LYPLAL1: variants seen among roughly 807,000 people sequenced by gnomAD.
LYPLAL1 encodes lysophospholipase-like protein 1.
In LYPLAL1, 23 loss-of-function variants were observed where a neutral mutation model predicts 19.7. That is an observed-to-expected ratio of 1.17 (90% CI 0.84 to 1.65). The LOEUF (loss-of-function observed/expected upper bound fraction) is 1.65. Ranked by LOEUF, LYPLAL1 falls within the 40% of genes most tolerant of loss-of-function variation. The pLI, the probability that LYPLAL1 is intolerant of heterozygous loss-of-function variation, is 0.00. For synonymous variants in LYPLAL1, 119 were observed against 96.3 expected (o/e 1.24, Z -1.38); for missense variants, 355 against 279.4 (o/e 1.27, Z -1.93).
chr1:219,207,947 C>G (rs1400522784), intron 3 of LYPLAL1, among the ~76,000 whole-genome samples: 1 of 152,008 alleles, frequency 6.6e-6, no homozygotes, highest in African/African-American at 2.4e-5. Context: ...GTCTGTAAGT[C>G]TCTTTTTTTA....
At chr1:219,304,622 A>G in the LYPLAL1 span, among the ~76,000 whole-genome samples, 1 of 152,224 alleles carries the variant, frequency 6.6e-6, no homozygotes, top group Non-Finnish European at 1.5e-5. Context: ...ACTGGGAAAC[A>G]AGAGTCCAAA....
chr1:219,322,810 A>T, the LYPLAL1 span, among the ~76,000 whole-genome samples: 11 of 152,354 alleles, frequency 7.2e-5, no homozygotes, highest in African/African-American at 2.6e-4. Flanking sequence ...TGTTCAAAGT[A>T]AAAATTGAAT....
At chr1:219,247,848 T>C in the LYPLAL1 span, among the ~76,000 whole-genome samples, 1 of 152,136 alleles carries the variant, frequency 6.6e-6, no homozygotes, top group South Asian at 2.1e-4. Flanking sequence ...TGGTGCTTAG[T>C]TGATTTTTAG....
the LYPLAL1 span, among the ~76,000 whole-genome samples, chr1:219,302,684 C>A: frequency 5.9e-5 from 9 of 152,132 alleles, no homozygotes; most frequent in Non-Finnish European, 1.0e-4. Context: ...TGGGGCACAC[C>A]TTAGGTTCTC....
chr1:219,359,379 A>G, the LYPLAL1 span, among the ~76,000 whole-genome samples: 1 of 152,210 alleles, frequency 6.6e-6, no homozygotes, highest in Non-Finnish European at 1.5e-5. Flanking sequence ...GTGTTACATC[A>G]GCCTCATTAT....
At chr1:219,257,375 G>T in the LYPLAL1 span, among the ~76,000 whole-genome samples, 475 of 108,948 alleles carry the variant, frequency 4.4e-3, no homozygotes, top group African/African-American at 5.0e-3. Context: ...TTTTTTTTTT[G>T]GTTACTGTTT....
the LYPLAL1 span, among the ~76,000 whole-genome samples, chr1:219,444,679 C>A: frequency 6.6e-6 from 1 of 152,154 alleles, no homozygotes; most frequent in South Asian, 2.1e-4. Context: ...ATAAATATCT[C>A]CTTTAAATCC....
At chr1:219,199,272 AT>A (rs1194176837) in intron 3 of LYPLAL1, among the ~76,000 whole-genome samples, 15 of 152,204 alleles carry the variant, frequency 9.9e-5, no homozygotes, top group Admixed American at 9.8e-4. Context: ...GTGAAATGAG[AT>A]CCTGTACAGA....
chr1:219,421,657 T>A, the LYPLAL1 span, among the ~76,000 whole-genome samples: 2 of 152,002 alleles, frequency 1.3e-5, no homozygotes, highest in African/African-American at 4.8e-5. Flanking sequence ...GATTCTATTA[T>A]CCTACAAGAT....
intron 1 of LYPLAL1, among the ~76,000 whole-genome samples, chr1:219,178,374 A>G (rs1350059788): frequency 6.6e-6 from 1 of 152,104 alleles, no homozygotes; most frequent in East Asian, 1.9e-4. Context: ...CCCCACCATC[A>G]TTGCCTCTCT....
At chr1:219,201,673 C>G (rs964256140) in intron 3 of LYPLAL1, among the ~76,000 whole-genome samples, 1 of 151,972 alleles carries the variant, frequency 6.6e-6, no homozygotes, top group Non-Finnish European at 1.5e-5. Flanking sequence ...CATTGAGATA[C>G]AGAAAGAGAC....
At chr1:219,299,429 G>A in the LYPLAL1 span, among the ~76,000 whole-genome samples, 1 of 152,172 alleles carries the variant, frequency 6.6e-6, no homozygotes, top group African/African-American at 2.4e-5. Flanking sequence ...CAGACTCAAA[G>A]AGATATCTGT....
At chr1:219,244,308 G>A in the LYPLAL1 span, among the ~76,000 whole-genome samples, 1 of 152,192 alleles carries the variant, frequency 6.6e-6, no homozygotes, top group Non-Finnish European at 1.5e-5. Flanking sequence ...GCCAGGTAGG[G>A]CAGTGGTTTA....
At chr1:219,434,601 T>C in the LYPLAL1 span, among the ~76,000 whole-genome samples, 1 of 152,216 alleles carries the variant, frequency 6.6e-6, no homozygotes, top group African/African-American at 2.4e-5. Flanking sequence ...CCAAGACTTA[T>C]GCCTCTCTAC....
At chr1:219,427,588 G>A in the LYPLAL1 span, among the ~76,000 whole-genome samples, 3 of 152,206 alleles carry the variant, frequency 2.0e-5, no homozygotes, top group African/African-American at 7.2e-5. Context: ...AAGTATGACA[G>A]TGACTCTGAT....
At chr1:219,326,748 T>C in the LYPLAL1 span, among the ~76,000 whole-genome samples, 1 of 152,130 alleles carries the variant, frequency 6.6e-6, no homozygotes, top group Non-Finnish European at 1.5e-5. Flanking sequence ...GGAAAAAGTG[T>C]CTCTTGCTCC....
the LYPLAL1 span, among the ~76,000 whole-genome samples, chr1:219,221,835 A>T: frequency 0.016 from 2,455 of 152,330 alleles, 18 homozygotes; most frequent in Non-Finnish European, 0.023. Flanking sequence ...CATTCACAGT[A>T]TAGGCATGTA....
chr1:219,410,513 C>T, the LYPLAL1 span, among the ~76,000 whole-genome samples: 29,339 of 152,216 alleles, frequency 0.19, 3,326 homozygotes, highest in Middle Eastern at 0.35. Flanking sequence ...CCCTCGCTTG[C>T]TCTCAGCACC....
At chr1:219,384,044 T>C in the LYPLAL1 span, among the ~76,000 whole-genome samples, 1 of 152,212 alleles carries the variant, frequency 6.6e-6, no homozygotes, top group Non-Finnish European at 1.5e-5. Context: ...TTTCCTCTCC[T>C]TCACAGCCCA....
Sources: gnomAD v4.1 joint callset for allele counts (sites outside exome capture counted in the v4.1 genomes callset) on GRCh38, gnomAD v4.1.1 for gene constraint, MANE v1.5 for transcripts, NCBI Gene and HGNC (gene_info 2026-07-23, HGNC 2026-07-21) for gene names.